Variants in ANO4 observed in about 807,000 individuals in gnomAD.
The protein encoded by ANO4 is anoctamin-4.
Under a neutral mutation model 141.9 loss-of-function variants are expected in ANO4, and 69 were observed. The ratio of observed to expected loss-of-function variants is 0.49; its 90% CI spans 0.40 to 0.59. ANO4 has a LOEUF of 0.59. ANO4 is among the 20% of genes least tolerant of loss of function. The pLI is 0.00. For missense variants in ANO4, 894 were observed against 1,162.2 expected, an observed-to-expected ratio of 0.77 and a Z score of 3.36; for synonymous variants, 350 against 394.3, an observed-to-expected ratio of 0.89 and a Z score of 1.33.
intron 17 of ANO4, among the ~76,000 whole-genome samples, chr12:101,089,408 C>T (rs1451178756): frequency 2.0e-5 from 3 of 151,986 alleles, no homozygotes; most frequent in African/African-American, 7.2e-5. Flanking sequence ...GTTTGTGCGA[C>T]AGCTTAGCAA....
chr12:101,062,686 A>G (rs566213261), intron 14 of ANO4, among the ~76,000 whole-genome samples: 22 of 152,238 alleles, frequency 1.4e-4, no homozygotes, highest in Admixed American at 1.3e-3. Context: ...TTACACTGTG[A>G]GGGGAAAATT....
chr12:100,803,242 G>T (rs1198019366), intron 1 of ANO4, among the ~76,000 whole-genome samples: 1 of 152,280 alleles, frequency 6.6e-6, no homozygotes, highest in South Asian at 2.1e-4. Flanking sequence ...AGAAATGGTG[G>T]GATCACCCAT....
At position 101,108,445 on chromosome 12, in the gene ANO4, TTG is replaced by T. The variant is rs563215228; in HGVS notation, c.2150-1956_2150-1955del. Among the ~76,000 whole-genome samples the T allele has an allele frequency of 2.2e-3, 338 of 152,262 alleles. 2 individuals are homozygous for T. The highest frequency in any genetic ancestry group is 7.6e-3 in the African/African-American group (315 of 41,530). ...GTTTTGGGCAAGTTACCTGACCTCTTTGTGCGTCGGTTTCCTTACCTGTAAAA... is the reference window on the plus strand; with the variant it reads ...GTTTTGGGCAAGTTACCTGACCTCTTTGCGTCGGTTTCCTTACCTGTAAAA... On this transcript the variant is annotated intron_variant, in intron 22 of 27. Coordinates refer to ENST00000392977, the MANE Select transcript of ANO4 (RefSeq NM_001286615.2).
intron 26 of ANO4, among the ~76,000 whole-genome samples, chr12:101,124,938 T>C (rs950570669): frequency 4.6e-5 from 7 of 152,222 alleles, no homozygotes; most frequent in African/African-American, 1.7e-4. Context: ...TGCTTAGTCT[T>C]GTCTTGGCTA....
chr12:100,992,781 G>A (rs2045199812), intron 8 of ANO4, among the ~76,000 whole-genome samples: 1 of 152,154 alleles, frequency 6.6e-6, no homozygotes, highest in Admixed American at 6.5e-5. Context: ...CACAATGCTG[G>A]TCTTCTAAAT....
intron 22 of ANO4, among the ~76,000 whole-genome samples, chr12:101,101,558 AC>A (rs770512068): frequency 1.4e-4 from 21 of 151,820 alleles, no homozygotes; most frequent in Non-Finnish European, 2.1e-4. Flanking sequence ...CAGCACACAG[AC>A]CCCTATACCA....
intron 2 of ANO4, among the ~76,000 whole-genome samples, chr12:100,920,540 C>T (rs2041582292): frequency 7.0e-6 from 1 of 142,602 alleles, no homozygotes; most frequent in Admixed American, 7.3e-5. Context: ...AAGTAACTGG[C>T]CATGGAAGAA....
At chr12:100,805,853 A>G (rs573227937) in intron 1 of ANO4, among the ~76,000 whole-genome samples, 6 of 152,258 alleles carry the variant, frequency 3.9e-5, no homozygotes, top group African/African-American at 1.4e-4. Flanking sequence ...AGTCTGTATC[A>G]TAGAACCTAA....
At chr12:100,784,491 T>G (rs1021911298) in intron 3 of ANO4, among the ~76,000 whole-genome samples, 2 of 152,226 alleles carry the variant, frequency 1.3e-5, no homozygotes, top group African/African-American at 4.8e-5. Context: ...TTCCTCTCTC[T>G]TATTGTTGTA....
At chr12:100,765,114 A>T (rs950532155) in intron 3 of ANO4, among the ~76,000 whole-genome samples, 1 of 152,068 alleles carries the variant, frequency 6.6e-6, no homozygotes, top group African/African-American at 2.4e-5. Flanking sequence ...GAAGGTTTCG[A>T]TTGCTGATTC....
chr12:100,818,485 A>T (rs1250834975), intron 1 of ANO4, among the ~76,000 whole-genome samples: 1 of 151,944 alleles, frequency 6.6e-6, no homozygotes, highest in African/African-American at 2.4e-5. Flanking sequence ...ATAGCTCCTG[A>T]TATTAAATAG....
intron 1 of ANO4, among the ~76,000 whole-genome samples, chr12:100,858,422 C>T (rs2038297078): frequency 6.6e-6 from 1 of 152,036 alleles, no homozygotes; most frequent in Non-Finnish European, 1.5e-5. Flanking sequence ...TCATGACTGT[C>T]TAAGATAAAA....
At chr12:100,963,285 CAGGT>C (rs1397783982) in intron 5 of ANO4, among the ~76,000 whole-genome samples, 1 of 152,068 alleles carries the variant, frequency 6.6e-6, no homozygotes, top group African/African-American at 2.4e-5. Flanking sequence ...CTAGGGAGGA[CAGGT>C]AGAATGAGAC....
At chr12:100,932,105 C>G (rs1367271008) in intron 3 of ANO4, among the ~76,000 whole-genome samples, 1 of 151,420 alleles carries the variant, frequency 6.6e-6, no homozygotes, top group Non-Finnish European at 1.5e-5. Context: ...AACTGGCGCT[C>G]TAGAGAATGA....
chr12:100,818,506 A>T (rs1486309507), intron 1 of ANO4, among the ~76,000 whole-genome samples: 1 of 151,950 alleles, frequency 6.6e-6, no homozygotes, highest in East Asian at 1.9e-4. Context: ...TGTCAATAAT[A>T]ATACTTTAGC....
chr12:100,770,049 T>G lies in ANO4; in HGVS notation c.358+29944T>G, dbSNP rs1421041818. On this transcript the variant is annotated intron_variant, in intron 3 of 29. Transcript: ENST00000644049. Reference sequence around the variant, plus strand: ...AGCAATAAAACACGTTATATTACTTTTAGAATTTATAAAAATGTTTGTCTC... The same window carrying G: ...AGCAATAAAACACGTTATATTACTTGTAGAATTTATAAAAATGTTTGTCTC... 2.0e-5 allele frequency among the ~76,000 whole-genome samples: 3 copies of G among 152,376 alleles called. No homozygotes were observed. The East Asian group carries it at 5.8e-4, about 29-fold the overall frequency.
intron 6 of ANO4, 25 bp downstream of exon 6, chr12:100,971,431 ACT>A: frequency 6.8e-7 from 1 of 1,466,756 alleles, no homozygotes; most frequent in African/African-American, 1.4e-5. Flanking sequence ...ATTTTATTCC[ACT>A]CTCTCTGCTG....
At chr12:100,766,066 G>A (rs1417024089) in intron 3 of ANO4, among the ~76,000 whole-genome samples, 5 of 151,958 alleles carry the variant, frequency 3.3e-5, no homozygotes, top group African/African-American at 1.2e-4. Context: ...TTTACTCCCT[G>A]TTTCTATGAG....
intron 6 of ANO4, 160 bp from the exon 7 acceptor site, chr12:100,974,685 G>C: frequency 1.3e-6 from 1 of 787,126 alleles, no homozygotes; most frequent in Non-Finnish European, 2.3e-6. Flanking sequence ...CGCATGCCCT[G>C]TGTTCCCACT....
Sources: gnomAD v4.1 joint callset for allele counts (sites outside exome capture counted in the v4.1 genomes callset) on GRCh38, gnomAD v4.1.1 for gene constraint, MANE v1.5 for transcripts, NCBI Gene and HGNC (gene_info 2026-07-23, HGNC 2026-07-21) for gene names.